Variants in CACNA1S observed in about 807,000 individuals in gnomAD.
CACNA1S encodes voltage-dependent L-type calcium channel subunit alpha-1S.
A neutral mutation model predicts 207.4 loss-of-function variants in CACNA1S; 126 were observed. The ratio of observed to expected loss-of-function variants is 0.61; its 90% CI spans 0.53 to 0.70. CACNA1S has a LOEUF of 0.70. Among genes scored for constraint, CACNA1S ranks in the 30% least tolerant of loss-of-function variants. The probability of loss-of-function intolerance (pLI) is 0.00; values close to 1 mark genes in which losing one functional copy is unlikely to be tolerated. For missense variants in CACNA1S, 2,349 were observed against 2,422.8 expected (o/e 0.97, Z 0.64); for synonymous variants, 960 against 932.7 (o/e 1.03, Z -0.53).
chr1:201,075,443 T>TCCCCCCCCCCCCC, intron 13 of CACNA1S, 52 bp downstream of exon 13: 2 of 1,597,916 alleles, frequency 1.3e-6, no homozygotes. Flanking sequence ...TTAAGCCCTT[T>TCCCCCCCCCCCCC]CCCCCACCCC....
chr1:201,061,245 C>T (rs776014636), intron 25 of CACNA1S, 22 bp downstream of exon 25: 10 of 1,606,578 alleles, frequency 6.2e-6, no homozygotes, highest in Middle Eastern at 1.7e-4. Flanking sequence ...TGCCCTCCAC[C>T]TCTGGCAGGC....
intron 19 of CACNA1S, among the ~76,000 whole-genome samples, chr1:201,068,698 C>T (rs186335048): frequency 3.2e-4 from 49 of 151,960 alleles, no homozygotes; most frequent in Non-Finnish European, 5.9e-4. Context: ...TGGTGAAACC[C>T]TGTCTCTGTT....
chr1:201,055,551 G>C (rs1660811728), intron 28 of CACNA1S, among the ~76,000 whole-genome samples: 1 of 152,180 alleles, frequency 6.6e-6, no homozygotes, highest in African/African-American at 2.4e-5. Context: ...GTGACTATTT[G>C]AATTACAATG....
At chr1:201,061,001 A>C (rs904149801) in intron 25 of CACNA1S, among the ~76,000 whole-genome samples, 185 bp from the exon 26 acceptor site, 3 of 152,196 alleles carry the variant, frequency 2.0e-5, no homozygotes, top group African/African-American at 7.2e-5. Context: ...ATCACAGCCC[A>C]TTCCCATGGG....
chr1:201,072,094 C>T (rs1322022108), intron 16 of CACNA1S, among the ~76,000 whole-genome samples: 3 of 152,334 alleles, frequency 2.0e-5, no homozygotes, highest in South Asian at 2.1e-4. Context: ...CCAGAGAGTT[C>T]TTGGGCCCCA....
chr1:201,053,289 G>T lies in CACNA1S; in HGVS notation c.3796-15C>A. 6.2e-7 allele frequency: 1 copy of T among 1,614,102 alleles called. No individual in the cohort carries two copies. Among genetic ancestry groups the T allele is most frequent in the Non-Finnish European group, 8.5e-7 (1 of 1,179,982 alleles). On this transcript the variant is annotated splice_polypyrimidine_tract_variant and intron_variant, in intron 30 of 43. Transcript: ENST00000362061. The surrounding 1 kb of genome is among the most constrained non-coding windows in gnomAD (Gnocchi z 5.1). ...TAGGGTAGGGCCTGCAGGGCGGGCGGGAGCGCCAGTCAGTGTCTTAGGGCT... is the reference window on the plus strand; with the variant it reads ...TAGGGTAGGGCCTGCAGGGCGGGCGTGAGCGCCAGTCAGTGTCTTAGGGCT...
chr1:201,051,189 C>G, intron 32 of CACNA1S, 46 bp from the exon 33 acceptor site: 2 of 1,609,624 alleles, frequency 1.2e-6, no homozygotes, highest in Non-Finnish European at 1.7e-6. Context: ...TCCTGCCTGG[C>G]CCCTCAGAAG....
intron 22 of CACNA1S, among the ~76,000 whole-genome samples, chr1:201,062,779 G>A (rs1046434567): frequency 6.6e-6 from 1 of 152,238 alleles, no homozygotes; most frequent in African/African-American, 2.4e-5. Context: ...GACCGAGAAG[G>A]CAGTGCCTCA....
At chr1:201,099,491 G>A (rs1662561492) in intron 2 of CACNA1S, among the ~76,000 whole-genome samples, 1 of 152,234 alleles carries the variant, frequency 6.6e-6, no homozygotes, top group African/African-American at 2.4e-5. Context: ...TAGGTTCAAG[G>A]CATGGTGACC....
In CACNA1S at chr1:201,039,941, C is replaced by T. The variant is rs775740013; in HGVS notation, c.5512G>A (p.Ala1838Thr). The change falls in exon 44 of 44, where the codon GCC (alanine) becomes ACC (threonine). Residue 1838 changes from alanine to threonine, a missense_variant. By Grantham distance (58) the Ala-to-Thr change is moderately conservative. Transcript: ENST00000362061. ...AGGGAGCTGGCCATGCCCTCTGGGGCCTCTCGTCCTTTCAGTAGCTCTGTT... is the reference window on the plus strand; with the variant it reads ...AGGGAGCTGGCCATGCCCTCTGGGGTCTCTCGTCCTTTCAGTAGCTCTGTT... ...MATELLKGRE[A>T]PEGMASSLGC... The T allele has an allele frequency of 6.2e-7, 1 of 1,614,178 alleles. No individual in the cohort carries two copies. The highest frequency in any genetic ancestry group is 1.1e-5 in the South Asian group (1 of 91,088).
rs74981528 is a variant in CACNA1S, at chr1:201,092,362, T to G, written c.399-248A>C. On this transcript the variant is annotated intron_variant, in intron 3 of 43. Transcript: ENST00000362061. ...ATGGTGCTCCACTTGTGAGGTCTACTTTGGGTGCTGAACGGGGGTGAGGTA... is the reference window on the plus strand; with the variant it reads ...ATGGTGCTCCACTTGTGAGGTCTACGTTGGGTGCTGAACGGGGGTGAGGTA... Among the ~76,000 whole-genome samples the G allele has an allele frequency of 5.2e-3, 796 of 152,268 alleles. 9 individuals carry two copies. Among genetic ancestry groups the G allele is most frequent in the African/African-American group, 0.017 (712 of 41,550 alleles).
At chr1:201,055,706 C>T (rs1214176905) in intron 28 of CACNA1S, among the ~76,000 whole-genome samples, 2 of 152,286 alleles carry the variant, frequency 1.3e-5, no homozygotes, top group African/African-American at 2.4e-5. Context: ...AATGTGCTCC[C>T]CTAGTCCTTT....
At position 201,091,985 on chromosome 1, in the gene CACNA1S, C is replaced by G. The variant is rs1160680050; in HGVS notation, c.528G>C (p.Val176=). Residue 176 remains valine (V), a synonymous_variant, in exon 4 of 44, where the codon GTG becomes GTC. Transcript: ENST00000362061. ...AFRVLRPLRL[V]SGVPSLQVVL... is the part of the protein sequence containing the mutation. ...ACTGCCACCCACTAGGCACCCCCGA[C>G]ACCAGCCGGAGGGGTCTGAGCACTC... is the stretch of plus-strand genomic sequence containing the variant. 2 of 1,614,166 alleles carry G rather than the reference C, an allele frequency of 1.2e-6. No individual in the cohort carries two copies.
chr1:201,081,309 A>T (rs1214326876), intron 10 of CACNA1S, among the ~76,000 whole-genome samples: 1 of 152,220 alleles, frequency 6.6e-6, no homozygotes, highest in South Asian at 2.1e-4. Context: ...TTCTGCCACT[A>T]AAAGACTTCC....
chr1:201,067,248 TG>T (rs957012543), intron 19 of CACNA1S, among the ~76,000 whole-genome samples: 4 of 152,210 alleles, frequency 2.6e-5, no homozygotes, highest in African/African-American at 9.6e-5. Context: ...TAGGGAACCC[TG>T]GGTCTCCTTT....
intron 3 of CACNA1S, 144 bp downstream of exon 3, chr1:201,093,738 C>A (rs746377044): frequency 1.0e-5 from 10 of 989,922 alleles, no homozygotes; most frequent in Non-Finnish European, 1.3e-5. Flanking sequence ...CTTGCTGGGC[C>A]GGCCTCTAAC....
rs758871304 is a variant in CACNA1S at position 201,087,947 on chromosome 1, G to A, written c.901-18C>T. The A allele has an allele frequency of 2.0e-6, 3 of 1,536,888 alleles. No homozygotes were observed. The East Asian group carries it at 6.8e-5, about 35-fold the overall frequency. Reference sequence around the variant, plus strand: ...TCATTGACCTGGTCAGGACAGAAGTGTGATCCTCTGAGTTGAGGGCTTGGT... The same window carrying A: ...TCATTGACCTGGTCAGGACAGAAGTATGATCCTCTGAGTTGAGGGCTTGGT... On this transcript the variant is annotated intron_variant, in intron 6 of 43. Transcript: ENST00000362061.
intron 9 of CACNA1S, among the ~76,000 whole-genome samples, chr1:201,084,611 G>A (rs113376317): frequency 3.3e-5 from 5 of 152,194 alleles, no homozygotes; most frequent in South Asian, 2.1e-4. Context: ...CTCTTCCCTC[G>A]CAGAGGTTTC....
chr1:201,107,625 G>A (rs565008798), intron 2 of CACNA1S, among the ~76,000 whole-genome samples: 2 of 152,168 alleles, frequency 1.3e-5, no homozygotes, highest in African/African-American at 4.8e-5. Flanking sequence ...AAAGCTACGG[G>A]TTATTCTGGA....
Sources: gnomAD v4.1 joint callset for allele counts (sites outside exome capture counted in the v4.1 genomes callset) on GRCh38, gnomAD v4.1.1 for gene constraint, Gnocchi (gnomAD v3.1) non-coding constraint, MANE v1.5 for transcripts, NCBI Gene and HGNC (gene_info 2026-07-23, HGNC 2026-07-21) for gene names.